Variants in SLC30A7 observed in about 807,000 individuals in gnomAD.
SLC30A7 encodes the protein zinc transporter 7.
In SLC30A7, 35 loss-of-function variants were observed where a neutral mutation model predicts 46.0. The observed-to-expected ratio is 0.76, with a 90% confidence interval of 0.58 to 1.01. SLC30A7 has a LOEUF of 1.01. Ranked by LOEUF, SLC30A7 falls within the 50% of genes least tolerant of loss-of-function variation. The pLI, the probability that SLC30A7 is intolerant of heterozygous loss-of-function variation, is 0.00. For missense variants in SLC30A7, 464 were observed against 451.1 expected (o/e 1.03, Z -0.26); for synonymous variants, 147 against 157.8 (o/e 0.93, Z 0.51).
At chr1:100,941,472 A>T (rs6698798) in intron 8 of SLC30A7, 136,045 of 465,500 alleles carry the variant, frequency 0.29, 21,097 homozygotes, top group Non-Finnish European at 0.34. Flanking sequence ...ACAGTATGGT[A>T]TTTCAGAATG....
intron 8 of SLC30A7, among the ~76,000 whole-genome samples, chr1:100,961,093 T>G (rs981406978): frequency 5.3e-5 from 8 of 151,466 alleles, no homozygotes; most frequent in Admixed American, 2.6e-4. Flanking sequence ...TAGCTGGGAC[T>G]ACAGGCGCCC....
rs1656400883 is a variant in SLC30A7, at chr1:100,975,241, G to C, written c.*384G>C. On this transcript the variant is annotated 3_prime_UTR_variant, in exon 11 of 11. Coordinates refer to ENST00000357650, the MANE Select transcript of SLC30A7 (RefSeq NM_133496.5). ...CAGCCAGTAAGAATTTCAGTTGTGG[G>C]CCTCCAGTCTTCTGGAATGTCTTCA... 1 of 161,836 alleles carries C rather than the reference G, an allele frequency of 6.2e-6. No individual in the cohort carries two copies. Among genetic ancestry groups the C allele is most frequent in the African/African-American group, 2.4e-5 (1 of 41,814 alleles). 10.0% of individuals were successfully genotyped at this position (161,836 alleles called of 1,614,324 possible).
intron 9 of SLC30A7, among the ~76,000 whole-genome samples, chr1:100,962,972 A>G (rs1655635131): frequency 6.6e-6 from 1 of 152,168 alleles, no homozygotes; most frequent in Admixed American, 6.5e-5. Context: ...AATGCCACTT[A>G]CTGAGACTGA....
chr1:100,994,978 A>G, the SLC30A7 span: 121 of 614,136 alleles, frequency 2.0e-4, no homozygotes, highest in Non-Finnish European at 3.0e-4. Flanking sequence ...TAAGAATAAA[A>G]ATGCTTAATG....
intron 8 of SLC30A7, among the ~76,000 whole-genome samples, chr1:100,953,914 G>A (rs376120021): frequency 1.3e-5 from 2 of 152,206 alleles, no homozygotes; most frequent in East Asian, 3.8e-4. Context: ...TCCAATGTAT[G>A]TTTGAATGGA....
chr1:100,959,280 C>T (rs1020664043), intron 8 of SLC30A7, among the ~76,000 whole-genome samples: 1 of 152,126 alleles, frequency 6.6e-6, no homozygotes, highest in Non-Finnish European at 1.5e-5. Flanking sequence ...ATTAGTCTAA[C>T]GTCTCTATAA....
At chr1:100,933,964 G>A (rs1408949555) in intron 8 of SLC30A7, among the ~76,000 whole-genome samples, 1 of 152,080 alleles carries the variant, frequency 6.6e-6, no homozygotes, top group Non-Finnish European at 1.5e-5. Flanking sequence ...TCAAGTTATT[G>A]TTTTCATAAA....
intron 8 of SLC30A7, among the ~76,000 whole-genome samples, chr1:100,927,656 TG>T (rs911402717): frequency 1.3e-5 from 2 of 152,146 alleles, no homozygotes; most frequent in African/African-American, 4.8e-5. Context: ...TTCAGCTACT[TG>T]GTAAGAGGTA....
chr1:100,911,979 T>C (rs1006284288), intron 4 of SLC30A7, 133 bp from the exon 5 acceptor site: 1 of 726,164 alleles, frequency 1.4e-6, no homozygotes, highest in African/African-American at 1.8e-5. Flanking sequence ...TTCTATCAAC[T>C]GTTTTGGGAG....
At chr1:100,912,541 G>T (rs574517733) in intron 5 of SLC30A7, among the ~76,000 whole-genome samples, 1 of 151,960 alleles carries the variant, frequency 6.6e-6, no homozygotes, top group Non-Finnish European at 1.5e-5. Flanking sequence ...AGTTTTGTGT[G>T]GGCTGGGCAC....
intron 10 of SLC30A7, 88 bp from the exon 11 acceptor site, chr1:100,974,722 T>C: frequency 1.0e-6 from 1 of 968,910 alleles, no homozygotes; most frequent in Non-Finnish European, 1.5e-6. Flanking sequence ...AAAGTGAGAT[T>C]TGTAAAAGAA....
In SLC30A7 at chr1:100,979,724, G is replaced by A. The variant is rs888724766; in HGVS notation, c.*4867G>A. 1.3e-5 allele frequency: 2 copies of A among 152,074 alleles called. No individual in the cohort carries two copies. Among genetic ancestry groups the A allele is most frequent in the African/African-American group, 4.8e-5 (2 of 41,416 alleles). The allele number at this position is 152,074 out of a possible 1,614,324, so 9.4% of individuals were successfully genotyped here. ...CTCCTCTAATTCTCATAACATCTCT[G>A]TGAGGAAGGAATTTTTATCCTTATT... On this transcript the variant is annotated 3_prime_UTR_variant, in exon 11 of 11. Coordinates refer to ENST00000357650, the MANE Select transcript of SLC30A7 (RefSeq NM_133496.5).
At chr1:100,995,243 G>A in the SLC30A7 span, 3 of 729,052 alleles carry the variant, frequency 4.1e-6, no homozygotes, top group Non-Finnish European at 6.9e-6. Context: ...TAAATTTTGG[G>A]GAAACACTCT....
chr1:100,942,640 G>A lies in SLC30A7; in HGVS notation c.843-19188G>A, dbSNP rs576019622. ...CAAACTCCAGAGAAATGGAGTCTGT[G>A]CTCCCAAATTAAAAGTTAAGTTCTT... On this transcript the variant is annotated intron_variant, in intron 8 of 10. Coordinates refer to ENST00000357650, the MANE Select transcript of SLC30A7 (RefSeq NM_133496.5). Among the ~76,000 whole-genome samples the A allele has an allele frequency of 2.6e-5, 4 of 152,258 alleles. No homozygotes were observed. The South Asian group carries it at 8.3e-4, about 32-fold the overall frequency.
At position 100,977,780 on chromosome 1, in the gene SLC30A7, T is replaced by C. The variant is rs1656630659; in HGVS notation, c.*2923T>C. 6.6e-6 allele frequency: 1 copy of C among 152,202 alleles called. No individual in the cohort carries two copies. The highest frequency in any genetic ancestry group is 1.5e-5 in the Non-Finnish European group (1 of 68,054). The allele number at this position is 152,202 out of a possible 1,614,324, so 9.4% of individuals were successfully genotyped here. ...TTTTGTTTGTTTGTATTAGATGGAA[T>C]TTCACTCTTGTCGCCCAGGCTGGAG... On this transcript the variant is annotated 3_prime_UTR_variant, in exon 11 of 11. Coordinates refer to ENST00000357650, the MANE Select transcript of SLC30A7 (RefSeq NM_133496.5).
At chr1:100,940,501 G>A (rs1218513588) in intron 8 of SLC30A7, among the ~76,000 whole-genome samples, 2 of 152,108 alleles carry the variant, frequency 1.3e-5, no homozygotes, top group African/African-American at 4.8e-5. Context: ...GTAAGTATTG[G>A]CCACTTAGAT....
intron 8 of SLC30A7, among the ~76,000 whole-genome samples, chr1:100,946,373 A>G (rs954574099): frequency 1.3e-5 from 2 of 152,210 alleles, no homozygotes; most frequent in Non-Finnish European, 2.9e-5. Context: ...CCGGTTTTCA[A>G]AGGAAATGCT....
chr1:100,990,374 G>T, the SLC30A7 span: 1 of 1,601,734 alleles, frequency 6.2e-7, no homozygotes, highest in South Asian at 1.1e-5. Context: ...ATATATGGCT[G>T]AAATTTACAT....
Position 100,911,153 on chromosome 1 carries a change from A to G in SLC30A7, c.384+3A>G. The G allele has an allele frequency of 1.3e-6, 2 of 1,566,544 alleles. No individual in the cohort carries two copies. The highest frequency in any genetic ancestry group is 1.7e-6 in the Non-Finnish European group (2 of 1,143,742). ...TTATTTTCTCAGAAGGAGTTGAGGT[A>G]TAGTAGATAATTATTAAAGTCAGTA... On this transcript the variant is annotated splice_donor_region_variant and intron_variant, in intron 4 of 10. Transcript: ENST00000357650.
Sources: allele counts gnomAD v4.1 joint callset (sites outside exome capture counted in the v4.1 genomes callset), GRCh38; gene constraint gnomAD v4.1.1; transcripts MANE v1.5; gene names NCBI Gene and HGNC (gene_info 2026-07-23, HGNC 2026-07-21).